Variants in PMEPA1 observed in about 807,000 individuals in gnomAD.
PMEPA1 encodes prostate transmembrane protein, androgen induced 1.
PMEPA1 carries 11 observed loss-of-function variants against 23.0 expected under a neutral mutation model. The ratio of observed to expected loss-of-function variants is 0.48; its 90% CI spans 0.30 to 0.79. The LOEUF (loss-of-function observed/expected upper bound fraction) is 0.79, where lower values mean the gene tolerates loss of function less well. PMEPA1 is among the 30% of genes least tolerant of loss of function. PMEPA1 has a pLI of 0.06. For synonymous variants in PMEPA1, 204 were observed against 166.4 expected, an observed-to-expected ratio of 1.23 and a Z score of -1.74; for missense variants, 377 against 390.9, an observed-to-expected ratio of 0.96 and a Z score of 0.30.
chr20:57,692,907 A>G (rs2071901288), intron 1 of PMEPA1, among the ~76,000 whole-genome samples: 1 of 152,190 alleles, frequency 6.6e-6, no homozygotes, highest in Non-Finnish European at 1.5e-5. Context: ...ACAACTCATG[A>G]TAATCAACTG....
At chr20:57,660,252 A>T (rs1326590548) in intron 1 of PMEPA1, among the ~76,000 whole-genome samples, 1 of 152,012 alleles carries the variant, frequency 6.6e-6, no homozygotes, top group Non-Finnish European at 1.5e-5. Context: ...AACAAAGAGG[A>T]GCTACATGTG....
intron 1 of PMEPA1, among the ~76,000 whole-genome samples, chr20:57,684,212 G>C (rs963295285): frequency 7.4e-6 from 1 of 135,944 alleles, no homozygotes; most frequent in African/African-American, 2.7e-5. Flanking sequence ...GAGGGGAGGC[G>C]GGTGGAAATT....
intron 1 of PMEPA1, among the ~76,000 whole-genome samples, chr20:57,662,677 A>T (rs1300754523): frequency 6.6e-6 from 1 of 152,100 alleles, no homozygotes; most frequent in East Asian, 1.9e-4. Flanking sequence ...TTCAGGGTAC[A>T]CACAGGGCTG....
In PMEPA1 at chr20:57,685,527, A is replaced by G. The variant is rs576415738; in HGVS notation, c.109+23947T>C. 8.7e-4 allele frequency among the ~76,000 whole-genome samples: 132 copies of G among 152,308 alleles called. 3 individuals are homozygous for G. The highest frequency in any genetic ancestry group is 3.2e-3 in the African/African-American group (131 of 41,562). ...GATGCAGTATTGCTTTCTCGGCCTA[A>G]AACGATTTGTCAGATGGACTTAAAT... On this transcript the variant is annotated intron_variant, in intron 1 of 3. Transcript: ENST00000341744.
chr20:57,681,537 C>T (rs1201686965), intron 1 of PMEPA1, among the ~76,000 whole-genome samples: 1 of 152,280 alleles, frequency 6.6e-6, no homozygotes, highest in East Asian at 1.9e-4. Flanking sequence ...AAGGGAACGG[C>T]CCTCCCAGAC....
chr20:57,665,382 C>T (rs203384), intron 1 of PMEPA1, among the ~76,000 whole-genome samples: 57,175 of 151,840 alleles, frequency 0.38, 11,006 homozygotes, highest in East Asian at 0.52. Flanking sequence ...CGGCGTTAGT[C>T]CGCCCGCCCC....
chr20:57,656,319 C>A lies in PMEPA1; in HGVS notation c.264+3224G>T, dbSNP rs140655822. Among the ~76,000 whole-genome samples the A allele has an allele frequency of 1.3e-5, 2 of 151,480 alleles. No individual in the cohort carries two copies. Among genetic ancestry groups the A allele is most frequent in the Non-Finnish European group, 3.0e-5 (2 of 67,764 alleles). On this transcript the variant is annotated intron_variant, in intron 2 of 3. Transcript: ENST00000341744. This position sits in a 1 kb window ranked among gnomAD's most constrained non-coding sequence, Gnocchi z 4.7. ...AGATTGTCGCACATTGGCCTGGCCA[C>A]AGTCTTGTCCCTGCCCCTGGGAAAT... is the stretch of plus-strand genomic sequence containing the variant.
At chr20:57,664,753 C>T (rs990810157) in intron 1 of PMEPA1, among the ~76,000 whole-genome samples, 1 of 152,188 alleles carries the variant, frequency 6.6e-6, no homozygotes, top group African/African-American at 2.4e-5. Flanking sequence ...ACCCTGGAGC[C>T]GGCTGTGAAG....
chr20:57,684,595 G>C (rs71329749), intron 1 of PMEPA1, among the ~76,000 whole-genome samples: 4 of 152,180 alleles, frequency 2.6e-5, no homozygotes, highest in African/African-American at 9.7e-5. Flanking sequence ...TGGGGGGCCC[G>C]GGAGACCCTC....
chr20:57,709,451 GA>G, intron 1 of PMEPA1, 22 bp downstream of exon 1: 1 of 1,098,728 alleles, frequency 9.1e-7, no homozygotes, highest in Non-Finnish European at 1.1e-6. Flanking sequence ...AGTCTCCGGG[GA>G]GGGGGGCGTG....
chr20:57,709,149 G>A (rs2072128458), intron 1 of PMEPA1, among the ~76,000 whole-genome samples: 1 of 151,936 alleles, frequency 6.6e-6, no homozygotes, highest in Non-Finnish European at 1.5e-5. Flanking sequence ...CTGCCCTCAG[G>A]GAAATAAAAT....
intron 1 of PMEPA1, among the ~76,000 whole-genome samples, chr20:57,660,148 G>A (rs753002249): frequency 2.0e-5 from 3 of 152,136 alleles, no homozygotes; most frequent in South Asian, 2.1e-4. Flanking sequence ...CTTCTTAGGG[G>A]CCCAGGGAGG....
intron 1 of PMEPA1, among the ~76,000 whole-genome samples, chr20:57,686,178 C>T (rs1047016075): frequency 1.1e-4 from 17 of 152,142 alleles, no homozygotes; most frequent in African/African-American, 3.9e-4. Context: ...CCGGGGCAGC[C>T]GGACAGGGGT....
chr20:57,697,618 C>T (rs1189324069), intron 1 of PMEPA1, among the ~76,000 whole-genome samples: 1 of 152,188 alleles, frequency 6.6e-6, no homozygotes, highest in Non-Finnish European at 1.5e-5. Context: ...CTGAGAGAGA[C>T]CCTTGTTCCC....
chr20:57,661,899 C>G (rs1455628390), intron 1 of PMEPA1, among the ~76,000 whole-genome samples: 1 of 148,180 alleles, frequency 6.7e-6, no homozygotes, highest in Non-Finnish European at 1.5e-5. Flanking sequence ...ACTTCCCCGT[C>G]TCGGGCACTT....
chr20:57,676,623 C>T (rs371491103), intron 1 of PMEPA1, among the ~76,000 whole-genome samples: 2 of 152,252 alleles, frequency 1.3e-5, no homozygotes, highest in African/African-American at 4.8e-5. Flanking sequence ...TAGATGGGAG[C>T]TCACGGTCCA....
chr20:57,704,801 C>T lies in PMEPA1; in HGVS notation c.109+4673G>A, dbSNP rs2072055835. On this transcript the variant is annotated intron_variant, in intron 1 of 3. Transcript: ENST00000341744. The surrounding 1 kb of genome is among the most constrained non-coding windows in gnomAD (Gnocchi z 4.6). ...GGGCAGGCATGTGGGCACACCTGAC[C>T]CCGTGGCTCTGGGGCAATTTGGTGG... 6.6e-6 allele frequency among the ~76,000 whole-genome samples: 1 copy of T among 152,160 alleles called. No individual in the cohort carries two copies. Among genetic ancestry groups the T allele is most frequent in the Non-Finnish European group, 1.5e-5 (1 of 68,028 alleles).
chr20:57,703,975 G>A lies in PMEPA1; in HGVS notation c.109+5499C>T, dbSNP rs142229848. Among the ~76,000 whole-genome samples the A allele has an allele frequency of 8.5e-5, 13 of 152,204 alleles. No individual in the cohort carries two copies. The East Asian group carries it at 1.9e-3, about 23-fold the overall frequency. On this transcript the variant is annotated intron_variant, in intron 1 of 3. Transcript: ENST00000341744. ...GTGAAGGGGGGCACAAAGGGGACAC[G>A]GCCAGCAAGTTTTGACGCCTCCATC...
chr20:57,666,908 G>C (rs2071500782), intron 1 of PMEPA1, among the ~76,000 whole-genome samples: 1 of 152,246 alleles, frequency 6.6e-6, no homozygotes, highest in Non-Finnish European at 1.5e-5. Flanking sequence ...CCAATCACAG[G>C]CGAGGGGACG....
Sources: allele counts gnomAD v4.1 joint callset (sites outside exome capture counted in the v4.1 genomes callset), GRCh38; gene constraint gnomAD v4.1.1; non-coding constraint Gnocchi (gnomAD v3.1); transcripts MANE v1.5; gene names NCBI Gene and HGNC (gene_info 2026-07-23, HGNC 2026-07-21).